The following RALGPS1 variants were observed in gnomAD, a reference collection of about 807,000 sequenced individuals.
RALGPS1 encodes Ral GEF with PH domain and SH3 binding motif 1.
RALGPS1 carries 19 observed loss-of-function variants against 78.8 expected under a neutral mutation model. That is an observed-to-expected ratio of 0.24 (90% CI 0.17 to 0.35). The LOEUF (loss-of-function observed/expected upper bound fraction) is 0.35. Among genes scored for constraint, RALGPS1 ranks in the 10% least tolerant of loss-of-function variants. The pLI is 1.00. For missense variants in RALGPS1, 454 were observed against 688.3 expected (o/e 0.66, Z 3.81); for synonymous variants, 228 against 256.3 (o/e 0.89, Z 1.06).
intron 8 of RALGPS1, chr9:127,089,140 T>G (rs2052138049): frequency 6.2e-7 from 1 of 1,614,042 alleles, no homozygotes; most frequent in Admixed American, 1.7e-5. Context: ...CACAGTTTCC[T>G]GCAAGAGAGA....
intron 7 of RALGPS1, 143 bp downstream of exon 7, chr9:127,053,082 C>T: frequency 1.6e-6 from 1 of 639,940 alleles, no homozygotes; most frequent in South Asian, 2.0e-5. Context: ...GTTCTGTAGG[C>T]ATCCTCACTC....
At chr9:127,174,660 G>A (rs2059752673) in intron 10 of RALGPS1, 55 bp from the exon 11 acceptor site, 1 of 1,524,914 alleles carries the variant, frequency 6.6e-7, no homozygotes, top group African/African-American at 1.4e-5. Flanking sequence ...CCCCAAACAG[G>A]TTCCTGTGTG....
At chr9:126,952,460 G>A (rs1754147099) in intron 1 of RALGPS1, among the ~76,000 whole-genome samples, 1 of 152,182 alleles carries the variant, frequency 6.6e-6, no homozygotes, top group Admixed American at 6.5e-5. Context: ...AGGAAAGGAG[G>A]CTTGGAGAGT....
In RALGPS1 at chr9:127,049,837, G is replaced by T. The variant is rs1220164012; in HGVS notation, c.301-206G>T. Among the ~76,000 whole-genome samples, 3 of 152,242 alleles carry T rather than the reference G, an allele frequency of 2.0e-5. No individual in the cohort carries two copies. In the East Asian group the frequency reaches 5.8e-4, roughly 29 times the overall value. On this transcript the variant is annotated intron_variant, in intron 5 of 18. Transcript: ENST00000259351. ...TCTTGGCACTGCAGTGTGCACTGGA[G>T]ACAGGGTGCTGAGAACACGGCCCAT...
At chr9:127,106,674 G>A (rs2054248356) in intron 8 of RALGPS1, among the ~76,000 whole-genome samples, 1 of 152,132 alleles carries the variant, frequency 6.6e-6, no homozygotes, top group Non-Finnish European at 1.5e-5. Context: ...TCTTTCCTTT[G>A]AGGTGCTGCA....
At chr9:126,951,922 CA>C (rs1394325652) in intron 1 of RALGPS1, among the ~76,000 whole-genome samples, 2 of 152,168 alleles carry the variant, frequency 1.3e-5, no homozygotes, top group Admixed American at 6.5e-5. Context: ...TAGAAAACCC[CA>C]TTGTCTGAGC....
At chr9:126,968,321 C>CA (rs1184119323) in intron 3 of RALGPS1, among the ~76,000 whole-genome samples, 1 of 152,074 alleles carries the variant, frequency 6.6e-6, no homozygotes, top group Non-Finnish European at 1.5e-5. Context: ...TCAATTCTTA[C>CA]AACAACTCAA....
intron 5 of RALGPS1, among the ~76,000 whole-genome samples, chr9:127,044,850 A>G (rs180859043): frequency 1.8e-4 from 28 of 152,322 alleles, no homozygotes; most frequent in Admixed American, 1.6e-3. Context: ...CATATGGAGG[A>G]TGCCTTTTCT....
chr9:127,058,636 C>T (rs2048945929), intron 7 of RALGPS1, among the ~76,000 whole-genome samples: 1 of 152,104 alleles, frequency 6.6e-6, no homozygotes, highest in Non-Finnish European at 1.5e-5. Context: ...GCTAATGAAA[C>T]CTTTTCTTTG....
intron 4 of RALGPS1, among the ~76,000 whole-genome samples, chr9:127,026,086 G>A (rs968719881): frequency 1.3e-5 from 2 of 152,078 alleles, no homozygotes; most frequent in South Asian, 2.1e-4. Flanking sequence ...AGTTTATTAA[G>A]TATTAACTCA....
intron 8 of RALGPS1, among the ~76,000 whole-genome samples, chr9:127,138,317 A>C (rs142385232): frequency 6.6e-6 from 1 of 152,188 alleles, no homozygotes; most frequent in African/African-American, 2.4e-5. Context: ...CTGCATTGTC[A>C]GTAAGGAAGA....
intron 4 of RALGPS1, among the ~76,000 whole-genome samples, chr9:127,026,457 T>A (rs2045968453): frequency 7.0e-6 from 1 of 143,182 alleles, no homozygotes; most frequent in South Asian, 2.2e-4. Flanking sequence ...TTAACCATCA[T>A]CACAATTGGG....
chr9:127,001,844 AT>A (rs1277185774), intron 4 of RALGPS1, among the ~76,000 whole-genome samples: 1 of 152,202 alleles, frequency 6.6e-6, no homozygotes, highest in Non-Finnish European at 1.5e-5. Context: ...AGATCGTGCC[AT>A]TGCGCTCCAG....
intron 1 of RALGPS1, among the ~76,000 whole-genome samples, chr9:126,941,513 A>T (rs949978287): frequency 2.6e-5 from 4 of 152,076 alleles, no homozygotes; most frequent in Non-Finnish European, 4.4e-5. Context: ...CACCCTGCCT[A>T]CTTTTCTCTG....
chr9:127,143,503 G>A (rs998115386), intron 8 of RALGPS1, among the ~76,000 whole-genome samples: 3 of 152,306 alleles, frequency 2.0e-5, no homozygotes, highest in Middle Eastern at 3.4e-3. Flanking sequence ...TGGTTTGATT[G>A]ACATCTGCCT....
intron 1 of RALGPS1, among the ~76,000 whole-genome samples, chr9:126,933,857 T>C (rs1055266894): frequency 6.6e-6 from 1 of 152,072 alleles, no homozygotes; most frequent in Non-Finnish European, 1.5e-5. Context: ...GCCTTTATAC[T>C]CTTTTTCACA....
chr9:127,015,491 A>G (rs545098933), intron 4 of RALGPS1, among the ~76,000 whole-genome samples: 2 of 152,278 alleles, frequency 1.3e-5, no homozygotes, highest in Admixed American at 1.3e-4. Context: ...CTGCGAACAG[A>G]TCTTGAAGGA....
chr9:126,950,095 C>G (rs1588598162), intron 1 of RALGPS1, among the ~76,000 whole-genome samples: 1 of 152,138 alleles, frequency 6.6e-6, no homozygotes. Context: ...GCTTGTTTTT[C>G]TCAGGTTTGT....
chr9:127,116,877 G>A (rs1267515942), intron 8 of RALGPS1, among the ~76,000 whole-genome samples: 1 of 152,222 alleles, frequency 6.6e-6, no homozygotes, highest in Non-Finnish European at 1.5e-5. Flanking sequence ...CAGGGGCACA[G>A]TGCTACCAAG....
Sources: allele counts gnomAD v4.1 joint callset (sites outside exome capture counted in the v4.1 genomes callset), GRCh38; gene constraint gnomAD v4.1.1; transcripts MANE v1.5; gene names NCBI Gene and HGNC (gene_info 2026-07-23, HGNC 2026-07-21).